CD82: variants seen among roughly 807,000 people sequenced by gnomAD.
The protein encoded by CD82 is CD82 antigen.
A neutral mutation model predicts 37.4 loss-of-function variants in CD82; 36 were observed. The observed-to-expected ratio is 0.96, with a 90% CI of 0.74 to 1.27. The LOEUF is 1.27. CD82 is among the 50% of genes most tolerant of loss of function. CD82 has a pLI of 0.00. For synonymous variants in CD82, 158 were observed against 137.4 expected, an observed-to-expected ratio of 1.15 and a Z score of -1.05; for missense variants, 340 against 347.0, an observed-to-expected ratio of 0.98 and a Z score of 0.16.
At chr11:44,572,209 A>G (rs1852823595) in intron 1 of CD82, among the ~76,000 whole-genome samples, 2 of 152,218 alleles carry the variant, frequency 1.3e-5, no homozygotes, top group Admixed American at 1.3e-4. Flanking sequence ...GCAGAGACTG[A>G]ATGGCAGAGC....
intron 7 of CD82, 106 bp from the exon 8 acceptor site, chr11:44,618,056 G>T: frequency 1.1e-6 from 1 of 896,894 alleles, no homozygotes; most frequent in South Asian, 1.6e-5. Context: ...GGGCCTGGAA[G>T]TGGCATATCT....
Position 44,619,157 on chromosome 11 carries a change from C to T in CD82, c.*31C>T, listed in dbSNP as rs751381541. ...CTGCTATCCCCATCTCCCTGCCTGG[C>T]CCCCAACCTCAGGGCTCCCAGGGGT... On this transcript the variant is annotated 3_prime_UTR_variant, in exon 10 of 10. Transcript: ENST00000227155. 8.3e-6 allele frequency: 13 copies of T among 1,569,412 alleles called. No homozygotes were observed. Among genetic ancestry groups the T allele is most frequent in the Admixed American group, 1.7e-5 (1 of 59,918 alleles).
chr11:44,615,363 T>C lies in CD82; in HGVS notation c.428T>C (p.Val143Ala), dbSNP rs1360289086. Residue 143 changes from valine to alanine, a missense_variant, in exon 7 of 10, where the codon GTG becomes GCG. Transcript: ENST00000227155. The stretch of plus-strand genomic sequence containing the variant: ...AGCCTGCAGGATGCCTGGGACTACG[T>C]GCAGGCTCAGGTGAGGTGGGGCGGG... Reference protein sequence around the residue: ...EDSLQDAWDYVQAQVKCCGWV... With the variant: ...EDSLQDAWDYAQAQVKCCGWV... 1.9e-6 allele frequency: 3 copies of C among 1,608,610 alleles called. No individual in the cohort carries two copies. The highest frequency in any genetic ancestry group is 1.7e-6 in the Non-Finnish European group (2 of 1,175,162).
chr11:44,587,750 C>G (rs1183235355), intron 2 of CD82, 194 bp downstream of exon 2: 4 of 379,768 alleles, frequency 1.1e-5, no homozygotes, highest in Non-Finnish European at 2.1e-5. Flanking sequence ...GGAGGCTCGG[C>G]AGCAGGTCCT....
At chr11:44,593,631 G>A (rs898869116) in intron 2 of CD82, among the ~76,000 whole-genome samples, 1 of 151,788 alleles carries the variant, frequency 6.6e-6, no homozygotes, top group African/African-American at 2.4e-5. Flanking sequence ...TGTCATCGGG[G>A]AGACTGTGAA....
intron 1 of CD82, among the ~76,000 whole-genome samples, chr11:44,579,944 A>G (rs1852956902): frequency 6.6e-6 from 1 of 152,120 alleles, no homozygotes; most frequent in Non-Finnish European, 1.5e-5. Context: ...CAGGATGTTA[A>G]AGGGAGAGAC....
intron 2 of CD82, 48 bp downstream of exon 2, chr11:44,587,604 G>A (rs1565084820): frequency 2.2e-6 from 1 of 456,024 alleles, no homozygotes; most frequent in East Asian, 7.0e-5. Context: ...GACACACTTG[G>A]GCTGTGAGGC....
intron 6 of CD82, among the ~76,000 whole-genome samples, chr11:44,613,883 A>G (rs1853522708): frequency 2.0e-5 from 3 of 151,770 alleles, no homozygotes; most frequent in Admixed American, 6.6e-5. Flanking sequence ...CTCTGGGGCA[A>G]GTAGCCAGGT....
chr11:44,576,676 T>C (rs979217102), intron 1 of CD82, among the ~76,000 whole-genome samples: 3 of 152,222 alleles, frequency 2.0e-5, no homozygotes, highest in African/African-American at 4.8e-5. Flanking sequence ...TGGGGGCAAG[T>C]CACTGCCCAG....
chr11:44,618,013 A>T, intron 7 of CD82, 149 bp from the exon 8 acceptor site: 1 of 646,408 alleles, frequency 1.5e-6, no homozygotes, highest in Non-Finnish European at 2.7e-6. Context: ...TTTCTGCTGT[A>T]CTTGTAGTTT....
At chr11:44,575,310 G>A (rs1852874813) in intron 1 of CD82, among the ~76,000 whole-genome samples, 1 of 152,188 alleles carries the variant, frequency 6.6e-6, no homozygotes, top group Admixed American at 6.5e-5. Flanking sequence ...AACTAATCAT[G>A]GGCTCTCTTT....
intron 1 of CD82, among the ~76,000 whole-genome samples, chr11:44,568,608 G>A (rs774434546): frequency 2.6e-5 from 4 of 152,184 alleles, no homozygotes; most frequent in Non-Finnish European, 5.9e-5. Context: ...TCAGCCATGT[G>A]CTATCTCTGG....
chr11:44,589,661 A>C (rs530448503), intron 2 of CD82, among the ~76,000 whole-genome samples: 1 of 152,278 alleles, frequency 6.6e-6, no homozygotes, highest in South Asian at 2.1e-4. Context: ...GAGATGAATG[A>C]GGCCCAGGAA....
chr11:44,616,046 A>C (rs1324028559), intron 7 of CD82, among the ~76,000 whole-genome samples: 2 of 152,126 alleles, frequency 1.3e-5, no homozygotes, highest in African/African-American at 4.8e-5. Flanking sequence ...CGGATGCTGC[A>C]TGTGCCCTTG....
Position 44,600,217 on chromosome 11 carries a change from C to T in CD82, c.123C>T (p.Phe41=). The T allele has an allele frequency of 6.2e-7, 1 of 1,614,020 alleles. No individual in the cohort carries two copies. Among genetic ancestry groups the T allele is most frequent in the Non-Finnish European group, 8.5e-7 (1 of 1,179,952 alleles). Residue 41 remains phenylalanine, a synonymous_variant, in exon 4 of 10, where the codon TTC becomes TTT. Coordinates refer to ENST00000227155, the MANE Select transcript of CD82 (RefSeq NM_002231.4). ...GVWILADKSS[F]ISVLQTSSSS... ...GGATCCTGGCCGACAAGAGCAGTTT[C>T]ATCTCTGTCCTGCGTAAGGACCCCT...
chr11:44,613,052 G>A (rs1853509191), intron 6 of CD82, among the ~76,000 whole-genome samples: 1 of 152,144 alleles, frequency 6.6e-6, no homozygotes, highest in Non-Finnish European at 1.5e-5. Flanking sequence ...GGGAGCTGCT[G>A]GAAGCTCCAC....
At chr11:44,569,786 G>A (rs768124115) in intron 1 of CD82, among the ~76,000 whole-genome samples, 18 of 152,226 alleles carry the variant, frequency 1.2e-4, no homozygotes, top group South Asian at 2.1e-4. Flanking sequence ...ACAGCATGGC[G>A]GTAAAGCACT....
At chr11:44,618,060 C>T (rs955093928) in intron 7 of CD82, 102 bp from the exon 8 acceptor site, 6 of 948,666 alleles carry the variant, frequency 6.3e-6, no homozygotes, top group African/African-American at 3.2e-5. Context: ...CTGGAAGTGG[C>T]ATATCTCAGT....
intron 6 of CD82, among the ~76,000 whole-genome samples, chr11:44,611,025 G>T (rs1853473124): frequency 6.6e-6 from 1 of 152,016 alleles, no homozygotes; most frequent in East Asian, 1.9e-4. Context: ...AGTAGAGATG[G>T]GGTTTCACCA....
Sources: gnomAD v4.1 joint callset for allele counts (sites outside exome capture counted in the v4.1 genomes callset) on GRCh38, gnomAD v4.1.1 for gene constraint, MANE v1.5 for transcripts, NCBI Gene and HGNC (gene_info 2026-07-23, HGNC 2026-07-21) for gene names.